The following PTPN14 variants were observed in gnomAD, a reference collection of about 807,000 sequenced individuals.
PTPN14 encodes the protein tyrosine-protein phosphatase non-receptor type 14.
A neutral mutation model predicts 126.8 loss-of-function variants in PTPN14; 53 were observed. That is an observed-to-expected ratio of 0.42 (90% CI 0.34 to 0.53). The LOEUF (loss-of-function observed/expected upper bound fraction) is 0.53, where lower values mean the gene tolerates loss of function less well. Ranked by LOEUF, PTPN14 falls within the 20% of genes least tolerant of loss-of-function variation. The pLI is 0.08. For missense variants in PTPN14, 1,257 were observed against 1,552.9 expected (o/e 0.81, Z 3.20); for synonymous variants, 630 against 599.3 (o/e 1.05, Z -0.75).
At chr1:214,537,310 C>T (rs1655732898) in intron 1 of PTPN14, among the ~76,000 whole-genome samples, 2 of 152,152 alleles carry the variant, frequency 1.3e-5, no homozygotes, top group African/African-American at 2.4e-5. Context: ...GTCTAGGTAA[C>T]GTTTTCCTTT....
Position 214,551,190 on chromosome 1 carries a change from C to G in PTPN14, c.-162G>C, listed in dbSNP as rs140483346. On this transcript the variant is annotated 5_prime_UTR_variant, in exon 1 of 19. It removes an upstream start codon present in the reference 5' UTR. Coordinates refer to ENST00000366956, the MANE Select transcript of PTPN14 (RefSeq NM_005401.5). Reference sequence around the variant, plus strand: ...GGCTTGGACGGGGCTTACCTGCTTACATGGCCCCCGTGGCGCCCCGGAGTC... The same window carrying G: ...GGCTTGGACGGGGCTTACCTGCTTAGATGGCCCCCGTGGCGCCCCGGAGTC... The G allele has an allele frequency of 6.6e-6, 1 of 152,482 alleles. No homozygotes were observed. Among genetic ancestry groups the G allele is most frequent in the Non-Finnish European group, 1.5e-5 (1 of 68,122 alleles). 9.4% of individuals were successfully genotyped at this position (152,482 alleles called of 1,614,324 possible).
At chr1:214,367,633 C>A (rs1047778784) in intron 17 of PTPN14, among the ~76,000 whole-genome samples, 4 of 152,142 alleles carry the variant, frequency 2.6e-5, no homozygotes, top group Non-Finnish European at 5.9e-5. Flanking sequence ...AACAACAGAG[C>A]AGGCACAAGG....
chr1:214,429,525 T>C (rs1341191530), intron 3 of PTPN14, among the ~76,000 whole-genome samples: 7 of 152,210 alleles, frequency 4.6e-5, no homozygotes, highest in Non-Finnish European at 7.3e-5. Flanking sequence ...AAAAGGTGAC[T>C]TTCAGGAGAT....
chr1:214,509,918 C>T (rs1415180512), intron 1 of PTPN14, among the ~76,000 whole-genome samples: 2 of 152,190 alleles, frequency 1.3e-5, no homozygotes, highest in African/African-American at 2.4e-5. Context: ...TGTTCTCACT[C>T]GTAGGTGGGA....
chr1:214,464,658 G>A lies in PTPN14; in HGVS notation c.146C>T (p.Ala49Val). ...TCGCAGCTCCAGCCTCTGGGCCACA[G>A]CCTCCAGGCATTCTTGCCCTGTGCT... ...VESTGQECLE[A>V]VAQRLELRET... The change falls in exon 2 of 19, where the codon GCT becomes GTT. Residue 49 changes from alanine to valine, a missense_variant. Transcript: ENST00000366956. 1 of 1,614,248 alleles carries A rather than the reference G, an allele frequency of 6.2e-7. No individual in the cohort carries two copies. The highest frequency in any genetic ancestry group is 8.5e-7 in the Non-Finnish European group (1 of 1,180,026).
At chr1:214,462,097 G>C (rs997821816) in intron 2 of PTPN14, among the ~76,000 whole-genome samples, 9 of 152,142 alleles carry the variant, frequency 5.9e-5, no homozygotes, top group African/African-American at 2.2e-4. Flanking sequence ...AATGTTATCT[G>C]TCATGGAAGG....
chr1:214,393,842 A>C, intron 9 of PTPN14, 65 bp from the exon 10 acceptor site: 1 of 1,327,316 alleles, frequency 7.5e-7, no homozygotes, highest in East Asian at 2.3e-5. Context: ...TTTCATTAAG[A>C]TTCTTCTGAG....
At chr1:214,506,357 A>T (rs1558133779) in intron 1 of PTPN14, among the ~76,000 whole-genome samples, 1 of 150,444 alleles carries the variant, frequency 6.6e-6, no homozygotes, top group Non-Finnish European at 1.5e-5. Flanking sequence ...TTTTTTTAAA[A>T]TTTTTTAAAT....
intron 1 of PTPN14, among the ~76,000 whole-genome samples, chr1:214,525,962 C>CT (rs34019620): frequency 0.063 from 8,237 of 130,010 alleles, 280 homozygotes; most frequent in Middle Eastern, 0.16. Flanking sequence ...CTAAAGTCAA[C>CT]TTTTTTTTTT....
rs1657677406 is a variant in PTPN14 at position 214,350,286 on chromosome 1, G to T, written c.*7636C>A. On this transcript the variant is annotated 3_prime_UTR_variant, in exon 19 of 19. Coordinates refer to ENST00000366956, the MANE Select transcript of PTPN14 (RefSeq NM_005401.5). ...ATGACGAAAGCATTTTCCCTGCAGG[G>T]AGAAGCTAGAAACAAATGGGTCTTC... is the stretch of plus-strand genomic sequence containing the variant. The T allele has an allele frequency of 6.6e-6, 1 of 152,178 alleles. No individual in the cohort carries two copies. Among genetic ancestry groups the T allele is most frequent in the African/African-American group, 2.4e-5 (1 of 41,430 alleles). The allele number at this position is 152,178 out of a possible 1,614,324, so 9.4% of individuals were successfully genotyped here. A position where few individuals can be genotyped will look rare whatever the true frequency, so the allele number is the denominator to read the frequency against.
At chr1:214,415,480 A>G (rs1002590692) in intron 3 of PTPN14, among the ~76,000 whole-genome samples, 3 of 152,210 alleles carry the variant, frequency 2.0e-5, no homozygotes, top group African/African-American at 7.2e-5. Flanking sequence ...CTCTCAACAC[A>G]TAGTCACAAC....
At chr1:214,449,038 A>G (rs1660213132) in intron 3 of PTPN14, among the ~76,000 whole-genome samples, 1 of 49,362 alleles carries the variant, frequency 2.0e-5, no homozygotes, top group Non-Finnish European at 4.0e-5. Flanking sequence ...ACGGAGTCTC[A>G]CTCTTTCGCC....
At chr1:214,393,213 C>G (rs563709309) in intron 10 of PTPN14, among the ~76,000 whole-genome samples, 1 of 152,302 alleles carries the variant, frequency 6.6e-6, no homozygotes, top group South Asian at 2.1e-4. Flanking sequence ...TTACCCTGGC[C>G]TCTCATTTAC....
chr1:214,353,680 G>A lies in PTPN14; in HGVS notation c.*4242C>T, dbSNP rs1405668536. The A allele has an allele frequency of 6.6e-6, 1 of 152,218 alleles. No homozygotes were observed. The highest frequency in any genetic ancestry group is 1.5e-5 in the Non-Finnish European group (1 of 68,044). 9.4% of individuals were successfully genotyped at this position (152,218 alleles called of 1,614,324 possible). A position where few individuals can be genotyped will look rare whatever the true frequency, so the allele number is the denominator to read the frequency against. The stretch of plus-strand genomic sequence containing the variant: ...AGTGATATGCCTGATGGCCAATCCG[G>A]CTTAAGAGAAGCTGCAGTGCACTAT... On this transcript the variant is annotated 3_prime_UTR_variant, in exon 19 of 19. Coordinates refer to ENST00000366956, the MANE Select transcript of PTPN14 (RefSeq NM_005401.5).
In PTPN14 at chr1:214,355,587, C is replaced by T. The variant is rs1657799498; in HGVS notation, c.*2335G>A. ...ACAAAACTCCAGAATCTACAAAGAT[C>T]AGCAGATTATACTCCTTCACTGAGC... On this transcript the variant is annotated 3_prime_UTR_variant, in exon 19 of 19. Coordinates refer to ENST00000366956, the MANE Select transcript of PTPN14 (RefSeq NM_005401.5). 1 of 152,286 alleles carries T rather than the reference C, an allele frequency of 6.6e-6. No homozygotes were observed. The highest frequency in any genetic ancestry group is 2.1e-4 in the South Asian group (1 of 4,810). 9.4% of individuals were successfully genotyped at this position (152,286 alleles called of 1,614,324 possible).
intron 17 of PTPN14, among the ~76,000 whole-genome samples, chr1:214,367,967 A>G (rs941035064): frequency 6.6e-6 from 1 of 152,222 alleles, no homozygotes; most frequent in African/African-American, 2.4e-5. Context: ...AATCTGGTGA[A>G]TTAGTTTCTA....
At chr1:214,539,836 C>T (rs1655793705) in intron 1 of PTPN14, among the ~76,000 whole-genome samples, 1 of 151,670 alleles carries the variant, frequency 6.6e-6, no homozygotes, top group African/African-American at 2.4e-5. Context: ...CACACTCATA[C>T]CTAACCTGGC....
chr1:214,435,052 G>T (rs1394290991), intron 3 of PTPN14, among the ~76,000 whole-genome samples: 1 of 152,234 alleles, frequency 6.6e-6, no homozygotes, highest in Non-Finnish European at 1.5e-5. Context: ...ATCCTAGGCT[G>T]CATGTGGCCC....
At position 214,527,290 on chromosome 1, in the gene PTPN14, T is replaced by C. The variant is rs538339965; in HGVS notation, c.-155+23893A>G. Among the ~76,000 whole-genome samples the C allele has an allele frequency of 4.6e-5, 7 of 152,278 alleles. No homozygotes were observed. In the Middle Eastern group the frequency reaches 0.014, roughly 296 times the overall value. ...TACAGAATATATTGGGTCTATACTT[T>C]TGCTCTCCCTGTTCCAGAACTTGAT... On this transcript the variant is annotated intron_variant, in intron 1 of 18. Coordinates refer to ENST00000366956, the MANE Select transcript of PTPN14 (RefSeq NM_005401.5).
Sources: gnomAD v4.1 joint callset for allele counts (sites outside exome capture counted in the v4.1 genomes callset) on GRCh38, gnomAD v4.1.1 for gene constraint, MANE v1.5 for transcripts, NCBI Gene and HGNC (gene_info 2026-07-23, HGNC 2026-07-21) for gene names.